Variants in ALDH16A1 observed in about 807,000 individuals in gnomAD.
ALDH16A1 encodes the protein aldehyde dehydrogenase 16 family member A1, also known as aldehyde dehydrogenase family 16 member A1.
A neutral mutation model predicts 96.1 loss-of-function variants in ALDH16A1; 88 were observed. The ratio of observed to expected loss-of-function variants is 0.92; its 90% CI spans 0.77 to 1.09. The LOEUF is 1.09. Ranked by LOEUF, ALDH16A1 falls within the 50% of genes least tolerant of loss-of-function variation. The pLI, the probability that ALDH16A1 is intolerant of heterozygous loss-of-function variation, is 0.00. For missense variants in ALDH16A1, 1,250 were observed against 1,112.6 expected (o/e 1.12, Z -1.76); for synonymous variants, 522 against 496.4 (o/e 1.05, Z -0.69).
chr19:49,465,744 AC>A lies in ALDH16A1; in HGVS notation c.1581del (p.Tyr528MetfsTer99), dbSNP rs764766875. On this transcript the variant is annotated frameshift_variant, in exon 13 of 17. Transcript: ENST00000293350. LOFTEE classifies it high-confidence loss of function. Reference sequence around the variant, plus strand: ...ATGTCCCACCCTACTCCAGCCCAGCACCCCCCTATGGGCTCTTCGTTGGGGG... The same window carrying A: ...ATGTCCCACCCTACTCCAGCCCAGCACCCCCTATGGGCTCTTCGTTGGGGG... ...AGPEIGPSPAPPYGLFVGGRF... is the reference protein window; with the variant it reads ...AGPEIGPSPAXPYGLFVGGRF... 8 of 1,612,544 alleles carry A rather than the reference AC, an allele frequency of 5.0e-6. No homozygotes were observed. The highest frequency in any genetic ancestry group is 6.8e-6 in the Non-Finnish European group (8 of 1,179,152).
In ALDH16A1 at chr19:49,462,555, C is replaced by T; in HGVS notation, c.913-15C>T. On this transcript the variant is annotated splice_polypyrimidine_tract_variant and intron_variant, in intron 7 of 16. Coordinates refer to ENST00000293350, the MANE Select transcript of ALDH16A1 (RefSeq NM_153329.4). ...GTGCAATGGTGTGATCTCCTGATGCCCCTTTTCCTCACAGGGTGGCCTCAG... is the reference window on the plus strand; with the variant it reads ...GTGCAATGGTGTGATCTCCTGATGCTCCTTTTCCTCACAGGGTGGCCTCAG... 6.2e-7 allele frequency: 1 copy of T among 1,610,696 alleles called. No individual in the cohort carries two copies. Among genetic ancestry groups the T allele is most frequent in the Non-Finnish European group, 8.5e-7 (1 of 1,179,056 alleles).
intron 16 of ALDH16A1, 93 bp from the exon 17 acceptor site, chr19:49,470,213 G>A (rs1419304314): frequency 1.3e-6 from 2 of 1,482,132 alleles, no homozygotes; most frequent in African/African-American, 2.8e-5. Context: ...CCAGCCTGAA[G>A]CCCCTCGTCA....
chr19:49,467,704 T>A (rs1003176138), intron 14 of ALDH16A1, among the ~76,000 whole-genome samples: 3 of 151,864 alleles, frequency 2.0e-5, no homozygotes, highest in South Asian at 2.1e-4. Context: ...TTCTTTTTTT[T>A]AAATTTTATT....
Position 49,459,594 on chromosome 19 carries a change from G to A in ALDH16A1, c.321-76G>A, listed in dbSNP as rs1402767806. The A allele has an allele frequency of 6.7e-7, 1 of 1,488,886 alleles. No homozygotes were observed. Among genetic ancestry groups the A allele is most frequent in the Non-Finnish European group, 8.9e-7 (1 of 1,117,770 alleles). The allele number at this position is 1,488,886 out of a possible 1,614,324, so 92.2% of individuals were successfully genotyped here. ...AGGGGCTCATGGGGATTGTAGTCCA[G>A]GTATATAGGAGCAGCCCAGGACTCT... is the stretch of plus-strand genomic sequence containing the variant. On this transcript the variant is annotated intron_variant, in intron 3 of 16. Coordinates refer to ENST00000293350, the MANE Select transcript of ALDH16A1 (RefSeq NM_153329.4). The surrounding 1 kb of genome is among the most constrained non-coding windows in gnomAD (Gnocchi z 4.1).
chr19:49,470,501 T>C lies in ALDH16A1; in HGVS notation c.*34T>C. On this transcript the variant is annotated 3_prime_UTR_variant, in exon 17 of 17. Transcript: ENST00000293350. The stretch of plus-strand genomic sequence containing the variant: ...CGCCACCTACTGCATTTTGGACACC[T>C]CACACCAAGGGGAGATGCACCCCAC... The C allele has an allele frequency of 6.7e-7, 1 of 1,490,742 alleles. No homozygotes were observed. Among genetic ancestry groups the C allele is most frequent in the Non-Finnish European group, 8.9e-7 (1 of 1,121,652 alleles). The allele number at this position is 1,490,742 out of a possible 1,614,324, so 92.3% of individuals were successfully genotyped here.
Position 49,461,633 on chromosome 19 carries a change from G to C in ALDH16A1, c.592G>C (p.Ala198Pro), listed in dbSNP as rs773889026. ...PALAVGCTVV[A>P]LVPPASPAPL... ...CACTTCCCCAGGCTGCACCGTGGTG[G>C]CCCTCGTGCCCCCGGCCTCCCCGGC... Residue 198 changes from alanine to proline, a missense_variant, in exon 6 of 17, where the codon GCC becomes CCC. Coordinates refer to ENST00000293350, the MANE Select transcript of ALDH16A1 (RefSeq NM_153329.4). The C allele has an allele frequency of 2.5e-6, 4 of 1,593,266 alleles. No homozygotes were observed. Among genetic ancestry groups the C allele is most frequent in the Non-Finnish European group, 3.4e-6 (4 of 1,170,860 alleles).
chr19:49,466,758 G>A (rs2079202768), intron 14 of ALDH16A1, among the ~76,000 whole-genome samples: 1 of 152,024 alleles, frequency 6.6e-6, no homozygotes, highest in Non-Finnish European at 1.5e-5. Flanking sequence ...TACTTAGGAG[G>A]CTGAGGCAGG....
intron 16 of ALDH16A1, 195 bp downstream of exon 16, chr19:49,469,181 G>A: frequency 1.4e-6 from 1 of 736,406 alleles, no homozygotes; most frequent in Non-Finnish European, 2.1e-6. Flanking sequence ...AGGGGCCTGA[G>A]AGCTGCCTAG....
chr19:49,462,622 G>T lies in ALDH16A1; in HGVS notation c.965G>T (p.Arg322Leu), dbSNP rs778115633. The T allele has an allele frequency of 6.2e-7, 1 of 1,612,932 alleles. No homozygotes were observed. Among genetic ancestry groups the T allele is most frequent in the African/African-American group, 1.3e-5 (1 of 74,890 alleles). ...TCTGTGTGGGATGAAGCCATGAGAC[G>T]GCTGCAGGAGCGGATGGGGCGGCTT... is the stretch of plus-strand genomic sequence containing the variant. ...QESVWDEAMR[R>L]LQERMGRLRS... Residue 322 changes from arginine to leucine, a missense_variant, in exon 8 of 17, where the codon CGG becomes CTG. Arg to Leu is a moderately radical substitution (Grantham distance 102). Coordinates refer to ENST00000293350, the MANE Select transcript of ALDH16A1 (RefSeq NM_153329.4).
At position 49,470,537 on chromosome 19, in the gene ALDH16A1, G is replaced by C; in HGVS notation, c.*70G>C. The C allele has an allele frequency of 1.4e-6, 2 of 1,413,380 alleles. No individual in the cohort carries two copies. Among genetic ancestry groups the C allele is most frequent in the Non-Finnish European group, 1.9e-6 (2 of 1,080,070 alleles). 87.6% of individuals were successfully genotyped at this position (1,413,380 alleles called of 1,614,324 possible). On this transcript the variant is annotated 3_prime_UTR_variant, in exon 17 of 17. Transcript: ENST00000293350. ...GGAGATGCACCCCACAGACACCTGG[G>C]ACTTTCCCCTTCTGGTTCCTGTGTC... is the stretch of plus-strand genomic sequence containing the variant.
At chr19:49,458,129 G>A (rs1218739072) in intron 1 of ALDH16A1, among the ~76,000 whole-genome samples, 1 of 151,950 alleles carries the variant, frequency 6.6e-6, no homozygotes, top group Non-Finnish European at 1.5e-5. Context: ...TGAGGCGGGA[G>A]AATAGCGTGA....
rs2079238391 is a variant in ALDH16A1, at chr19:49,470,652, T to TC, written c.*185_*186insC. 2.0e-5 allele frequency: 10 copies of TC among 509,310 alleles called. No homozygotes were observed. The highest frequency in any genetic ancestry group is 7.8e-5 in the East Asian group (2 of 25,576). The allele number at this position is 509,310 out of a possible 1,614,324, so 31.5% of individuals were successfully genotyped here. ...TGGCAGATATGAGGCTTTTTTCTTT[T>TC]TTTTTTTTTTTTTTGAGACAACGTC... On this transcript the variant is annotated 3_prime_UTR_variant, in exon 17 of 17. Transcript: ENST00000293350.
At position 49,468,306 on chromosome 19, in the gene ALDH16A1, T is replaced by A. The variant is rs1039982779; in HGVS notation, c.1939-75T>A. 17 of 1,471,746 alleles carry A rather than the reference T, an allele frequency of 1.2e-5. No homozygotes were observed. In the African/African-American group the frequency reaches 2.2e-4, roughly 19 times the overall value. 91.2% of individuals were successfully genotyped at this position (1,471,746 alleles called of 1,614,324 possible). ...GGCCAACACCAAGTGTTGGGGAGAATGTAGAGGAACTGGATCTCTCATTTA... is the reference window on the plus strand; with the variant it reads ...GGCCAACACCAAGTGTTGGGGAGAAAGTAGAGGAACTGGATCTCTCATTTA... On this transcript the variant is annotated intron_variant, in intron 14 of 16. Transcript: ENST00000293350. The surrounding 1 kb of genome is among the most constrained non-coding windows in gnomAD (Gnocchi z 4.4).
chr19:49,453,449 C>A (rs769986276), intron 1 of ALDH16A1, 28 bp downstream of exon 1: 1 of 1,508,640 alleles, frequency 6.6e-7, no homozygotes, highest in South Asian at 1.2e-5. Flanking sequence ...CGGCGCTGCT[C>A]GCTGCGTTCC....
Position 49,464,541 on chromosome 19 carries a change from C to T in ALDH16A1, c.1437+19C>T, listed in dbSNP as rs764646307. 2.5e-5 allele frequency: 40 copies of T among 1,613,276 alleles called. No individual in the cohort carries two copies. Among genetic ancestry groups the T allele is most frequent in the Admixed American group, 3.3e-5 (2 of 59,980 alleles). On this transcript the variant is annotated intron_variant, in intron 11 of 16. Transcript: ENST00000293350. ...CCCAGACGTGAGTACATCCCCTCCC[C>T]GTCACCAGCCCCCCCGCCGCCCCAT...
rs2079183665 is a variant in ALDH16A1, at chr19:49,464,690, A to G, written c.1496A>G (p.Lys499Arg). The G allele has an allele frequency of 6.2e-7, 1 of 1,613,422 alleles. No individual in the cohort carries two copies. Among genetic ancestry groups the G allele is most frequent in the Non-Finnish European group, 8.5e-7 (1 of 1,179,468 alleles). ...CCTGCCCGGCTGTCCTGCCTCTCCA[A>G]GAACCTGAACTATGACACCTTTGGC... ...GTPARLSCLS[K>R]NLNYDTFGLA... Residue 499 changes from lysine (K) to arginine (R), a missense_variant, in exon 12 of 17, where the codon AAG (lysine) becomes AGG (arginine). Lys to Arg is a conservative substitution (Grantham distance 26). Transcript: ENST00000293350.
At position 49,460,423 on chromosome 19, in the gene ALDH16A1, T is replaced by G. The variant is rs1051744291; in HGVS notation, c.500-399T>G. 3.2e-3 allele frequency among the ~76,000 whole-genome samples: 479 copies of G among 151,490 alleles called. 5 individuals are homozygous for G. The highest frequency in any genetic ancestry group is 0.011 in the African/African-American group (443 of 41,262). ...TGACTAGTTTTTGTTTTTGTTTTTT[T>G]TTTTTTTGAGATGGAGTTTCGCTCT... is the stretch of plus-strand genomic sequence containing the variant. On this transcript the variant is annotated intron_variant, in intron 4 of 16. Transcript: ENST00000293350.
Position 49,468,756 on chromosome 19 carries a change from C to T in ALDH16A1, c.2125-108C>T. On this transcript the variant is annotated intron_variant, in intron 15 of 16. Transcript: ENST00000293350. This position sits in a 1 kb window ranked among gnomAD's most constrained non-coding sequence, Gnocchi z 4.4. Reference sequence around the variant, plus strand: ...TTCTTCACCCTAGGCCTGGGGCTTTCTCCTCCATGACCCCCCATCCCCTTC... The same window carrying T: ...TTCTTCACCCTAGGCCTGGGGCTTTTTCCTCCATGACCCCCCATCCCCTTC... The T allele has an allele frequency of 1.4e-6, 2 of 1,423,814 alleles. No homozygotes were observed. The highest frequency in any genetic ancestry group is 2.8e-5 in the African/African-American group (2 of 71,098). 88.2% of individuals were successfully genotyped at this position (1,423,814 alleles called of 1,614,324 possible).
intron 7 of ALDH16A1, 66 bp downstream of exon 7, chr19:49,462,102 G>C: frequency 6.9e-7 from 1 of 1,455,298 alleles, no homozygotes; most frequent in Non-Finnish European, 9.0e-7. Context: ...CCAGTCTTCG[G>C]GGTCCCGAGT....
Sources: allele counts gnomAD v4.1 joint callset (sites outside exome capture counted in the v4.1 genomes callset), GRCh38; gene constraint gnomAD v4.1.1; non-coding constraint Gnocchi (gnomAD v3.1); transcripts MANE v1.5; gene names NCBI Gene and HGNC (gene_info 2026-07-23, HGNC 2026-07-21).